GOLM1: variants seen among roughly 807,000 people sequenced by gnomAD.
The protein encoded by GOLM1 is golgi membrane protein 1.
GOLM1 carries 31 observed loss-of-function variants against 50.5 expected under a neutral mutation model. The ratio of observed to expected loss-of-function variants is 0.61; its 90% confidence interval spans 0.46 to 0.83. GOLM1 has a LOEUF of 0.83. GOLM1 is among the 40% of genes least tolerant of loss of function. GOLM1 has a pLI of 0.00. For missense variants in GOLM1, 491 were observed against 501.3 expected (o/e 0.98, Z 0.20); for synonymous variants, 178 against 192.8 (o/e 0.92, Z 0.64).
intron 5 of GOLM1, among the ~76,000 whole-genome samples, chr9:86,044,173 G>C (rs1833456805): frequency 6.6e-6 from 1 of 152,184 alleles, no homozygotes; most frequent in Admixed American, 6.6e-5. Flanking sequence ...AGCCATGACA[G>C]ACAAAAATGT....
chr9:86,094,573 G>A (rs1172015196), intron 1 of GOLM1, among the ~76,000 whole-genome samples: 2 of 152,186 alleles, frequency 1.3e-5, no homozygotes, highest in Admixed American at 6.5e-5. Context: ...GAGTGAAAAT[G>A]AACTAGGGAA....
In GOLM1 at chr9:86,097,537, C is replaced by T. The variant is rs189830875; in HGVS notation, c.-22+1874G>A. 7.6e-4 allele frequency among the ~76,000 whole-genome samples: 115 copies of T among 152,236 alleles called. 1 individual carries two copies. The highest frequency in any genetic ancestry group is 2.6e-3 in the African/African-American group (110 of 41,550). On this transcript the variant is annotated intron_variant, in intron 1 of 9. Transcript: ENST00000388712. ...CCAAAGGCACAGAACACCGCTCCCC[C>T]GCCCCCAATGGCCACCCCAGGTCCT...
At position 86,029,010 on chromosome 9, in the gene GOLM1, G is replaced by A. The variant is rs144078130; in HGVS notation, c.1130-1117C>T. 3.0e-3 allele frequency among the ~76,000 whole-genome samples: 449 copies of A among 151,998 alleles called. 1 individual carries two copies. Among genetic ancestry groups the A allele is most frequent in the Non-Finnish European group, 3.8e-3 (255 of 67,972 alleles). The stretch of plus-strand genomic sequence containing the variant: ...ACTACAGGCGCCCGCCACCACGCCC[G>A]GCTGATTTCTTTTTGTTGTTGTAGT... On this transcript the variant is annotated intron_variant, in intron 9 of 9. Coordinates refer to ENST00000388712, the MANE Select transcript of GOLM1 (RefSeq NM_016548.4).
At chr9:86,087,682 G>A (rs1043610120) in intron 1 of GOLM1, among the ~76,000 whole-genome samples, 3 of 152,158 alleles carry the variant, frequency 2.0e-5, no homozygotes, top group Admixed American at 2.0e-4. Flanking sequence ...GGCCTTTTCT[G>A]CATCTATTGA....
At chr9:86,053,604 ACATCACAC>A (rs2118743935) in intron 3 of GOLM1, among the ~76,000 whole-genome samples, 2 of 1,558 alleles carry the variant, frequency 1.3e-3, no homozygotes, top group Non-Finnish European at 1.7e-3. Flanking sequence ...CTCCACACAC[ACATCACAC>A]ACCACACCAA....
chr9:86,093,971 C>G lies in GOLM1; in HGVS notation c.-22+5440G>C, dbSNP rs1341121485. Among the ~76,000 whole-genome samples the G allele has an allele frequency of 7.9e-5, 12 of 152,340 alleles. No individual in the cohort carries two copies. The East Asian group carries it at 2.3e-3, about 29-fold the overall frequency. ...TAACTCCTTCTCAGAGGAATGGCCC[C>G]AGCGGCTCAGCAGGAAGTTCAGAAG... On this transcript the variant is annotated intron_variant, in intron 1 of 9. Transcript: ENST00000388712.
chr9:86,059,932 A>G (rs1189015451), intron 3 of GOLM1, among the ~76,000 whole-genome samples: 4 of 151,120 alleles, frequency 2.6e-5, no homozygotes, highest in Non-Finnish European at 1.5e-5. Context: ...AAGTTTTGGA[A>G]TCAGTGGTTA....
At chr9:86,056,398 A>G (rs1488745997) in intron 3 of GOLM1, among the ~76,000 whole-genome samples, 2 of 150,266 alleles carry the variant, frequency 1.3e-5, no homozygotes, top group Non-Finnish European at 2.9e-5. Context: ...AATCATTTTC[A>G]GGGAAACTAC....
intron 8 of GOLM1, among the ~76,000 whole-genome samples, chr9:86,034,206 GC>G (rs1833068493): frequency 6.6e-6 from 1 of 151,970 alleles, no homozygotes; most frequent in Non-Finnish European, 1.5e-5. Context: ...CTCATGATCC[GC>G]CCACCTCGGC....
Position 86,079,297 on chromosome 9 carries a change from A to G in GOLM1, c.24T>C (p.Arg8=). The change falls in exon 2 of 10, where the codon CGT becomes CGC. Residue 8 remains arginine (R), a synonymous_variant. Transcript: ENST00000388712. ...CGAGGGGCGGCGACTTCATGCTGCG[A>G]CGCCCGTTTCCCAAGCCCATCATCT... MMGLGNG[R]RSMKSPPLVL... 6.2e-7 allele frequency: 1 copy of G among 1,602,190 alleles called. No homozygotes were observed. The highest frequency in any genetic ancestry group is 1.3e-5 in the African/African-American group (1 of 74,264).
chr9:86,075,033 C>T (rs1326548225), intron 3 of GOLM1, among the ~76,000 whole-genome samples: 7 of 152,144 alleles, frequency 4.6e-5, no homozygotes, highest in Admixed American at 3.3e-4. Flanking sequence ...CTGGGAGAGT[C>T]AAGCCCTCAT....
chr9:86,088,589 G>GT (rs1426820086), intron 1 of GOLM1, among the ~76,000 whole-genome samples: 5 of 91,564 alleles, frequency 5.5e-5, no homozygotes, highest in African/African-American at 1.9e-4. Flanking sequence ...TTTTTTTTTT[G>GT]TTTTGTTTTT....
At position 86,035,357 on chromosome 9, in the gene GOLM1, T is replaced by G; in HGVS notation, c.1015+11A>C. 1.2e-6 allele frequency: 2 copies of G among 1,612,040 alleles called. No individual in the cohort carries two copies. The highest frequency in any genetic ancestry group is 1.7e-6 in the Non-Finnish European group (2 of 1,179,308). On this transcript the variant is annotated intron_variant, in intron 8 of 9. Coordinates refer to ENST00000388712, the MANE Select transcript of GOLM1 (RefSeq NM_016548.4). ...GGGAGTCCACAGCGGCCCCCGAAAC[T>G]TCACACCCACCTTCCCCGGCAGCTT...
chr9:86,055,496 G>A (rs997023072), intron 3 of GOLM1, among the ~76,000 whole-genome samples: 3 of 152,162 alleles, frequency 2.0e-5, no homozygotes, highest in African/African-American at 7.2e-5. Flanking sequence ...TCTCATGTTC[G>A]CTGCAGCATC....
intron 3 of GOLM1, among the ~76,000 whole-genome samples, chr9:86,068,630 G>A (rs999885335): frequency 6.6e-6 from 1 of 152,220 alleles, no homozygotes; most frequent in South Asian, 2.1e-4. Context: ...CCCCAGACAT[G>A]CAGTGCAGAG....
In GOLM1 at chr9:86,027,700, C is replaced by A; in HGVS notation, c.*117G>T. The A allele has an allele frequency of 7.0e-7, 1 of 1,433,594 alleles. No individual in the cohort carries two copies. 88.8% of individuals were successfully genotyped at this position (1,433,594 alleles called of 1,614,324 possible). On this transcript the variant is annotated 3_prime_UTR_variant, in exon 10 of 10. Transcript: ENST00000388712. ...GTGCATACTAAAATTTCACAATAAT[C>A]ATCTTCAGATGTACATTTTATTTAG...
At chr9:86,039,306 G>T (rs115111140) in intron 6 of GOLM1, among the ~76,000 whole-genome samples, 1 of 152,198 alleles carries the variant, frequency 6.6e-6, no homozygotes, top group South Asian at 2.1e-4. Context: ...AGTATCAAGA[G>T]TTGGCAAGGA....
chr9:86,071,603 G>A (rs1239917239), intron 3 of GOLM1, among the ~76,000 whole-genome samples: 1 of 152,022 alleles, frequency 6.6e-6, no homozygotes, highest in African/African-American at 2.4e-5. Context: ...TGAGGTGGAG[G>A]TGGAGGTTGC....
chr9:86,038,170 A>C (rs1260409969), intron 6 of GOLM1, among the ~76,000 whole-genome samples: 1 of 151,420 alleles, frequency 6.6e-6, no homozygotes, highest in African/African-American at 2.4e-5. Flanking sequence ...GAAAAAAAAA[A>C]AAAAGAAAAA....
Sources: gnomAD v4.1 joint callset for allele counts (sites outside exome capture counted in the v4.1 genomes callset) on GRCh38, gnomAD v4.1.1 for gene constraint, MANE v1.5 for transcripts, NCBI Gene and HGNC (gene_info 2026-07-23, HGNC 2026-07-21) for gene names.